SETBP1: variants seen among roughly 807,000 people sequenced by gnomAD.
SETBP1 encodes SET binding protein 1.
Under a neutral mutation model 101.0 loss-of-function variants are expected in SETBP1, and 9 were observed. The observed-to-expected ratio is 0.09, with a 90% CI of 0.05 to 0.16. The LOEUF (loss-of-function observed/expected upper bound fraction) is 0.16, where lower values mean the gene tolerates loss of function less well. SETBP1 is among the 10% of genes least tolerant of loss of function. The pLI is 1.00. For missense variants in SETBP1, 1,858 were observed against 2,033.8 expected, an observed-to-expected ratio of 0.91 and a Z score of 1.66; for synonymous variants, 818 against 788.5, an observed-to-expected ratio of 1.04 and a Z score of -0.63.
intron 4 of SETBP1, among the ~76,000 whole-genome samples, chr18:45,000,411 T>C (rs1457781854): frequency 1.3e-5 from 2 of 152,262 alleles, no homozygotes; most frequent in South Asian, 2.1e-4. Context: ...GCAGCCCATG[T>C]ATTGCCCTGA....
At chr18:44,722,696 G>A (rs1177737136) in intron 2 of SETBP1, among the ~76,000 whole-genome samples, 3 of 152,172 alleles carry the variant, frequency 2.0e-5, no homozygotes, top group Non-Finnish European at 4.4e-5. Flanking sequence ...CGCTCATGAA[G>A]GGACTGGTTA....
chr18:44,798,537 A>G lies in SETBP1; in HGVS notation c.487-70693A>G, dbSNP rs996021271. On this transcript the variant is annotated intron_variant, in intron 2 of 5. Transcript: ENST00000649279. ...GGTATAGGAAGATACCCAGGAATCA[A>G]ACTTATACCCCAGGGTGGAAAGAAA... is the stretch of plus-strand genomic sequence containing the variant. Among the ~76,000 whole-genome samples, 3 of 152,180 alleles carry G rather than the reference A, an allele frequency of 2.0e-5. No homozygotes were observed. In the East Asian group the frequency reaches 5.8e-4, roughly 29 times the overall value.
At position 44,853,388 on chromosome 18, in the gene SETBP1, G is replaced by A. The variant is rs1211420786; in HGVS notation, c.487-15842G>A. ...ATTTTAGTGGTCTAAGTTGAGCCTC[G>A]CCATACCCCTTAAAGATATCACAGG... On this transcript the variant is annotated intron_variant, in intron 2 of 5. Transcript: ENST00000649279. Among the ~76,000 whole-genome samples the A allele has an allele frequency of 3.3e-5, 5 of 152,102 alleles. No individual in the cohort carries two copies. The East Asian group carries it at 7.7e-4, about 23-fold the overall frequency.
chr18:44,750,207 T>C (rs1247367804), intron 2 of SETBP1, among the ~76,000 whole-genome samples: 4 of 152,198 alleles, frequency 2.6e-5, no homozygotes, highest in Admixed American at 2.6e-4. Context: ...ACAACAGACA[T>C]GTATTTCCCA....
At chr18:44,934,058 C>T (rs919423315) in intron 3 of SETBP1, among the ~76,000 whole-genome samples, 2 of 152,110 alleles carry the variant, frequency 1.3e-5, no homozygotes, top group Non-Finnish European at 2.9e-5. Flanking sequence ...ATTCGGCCAT[C>T]TTGGAACCTC....
intron 2 of SETBP1, among the ~76,000 whole-genome samples, chr18:44,729,920 G>C (rs1049792725): frequency 9.2e-5 from 14 of 152,212 alleles, no homozygotes; most frequent in Non-Finnish European, 2.1e-4. Context: ...ACTTTTGAGA[G>C]AGTGTTTTCT....
intron 2 of SETBP1, among the ~76,000 whole-genome samples, chr18:44,821,612 T>C (rs2072115576): frequency 6.6e-6 from 1 of 152,188 alleles, no homozygotes; most frequent in African/African-American, 2.4e-5. Flanking sequence ...CTCCCCCTGG[T>C]TTCTCAAAGA....
Position 45,063,611 on chromosome 18 carries a change from C to T in SETBP1, c.4704C>T (p.Pro1568=), listed in dbSNP as rs1044426142. 3 of 1,599,132 alleles carry T rather than the reference C, an allele frequency of 1.9e-6. No homozygotes were observed. The highest frequency in any genetic ancestry group is 1.7e-5 in the Admixed American group (1 of 58,650). Reference sequence around the variant, plus strand: ...CCGCTCAGCCCCCACAGCAGTCGCCCCCGCAGCAGCCCCTTCCCCAGGAAG... The same window carrying T: ...CCGCTCAGCCCCCACAGCAGTCGCCTCCGCAGCAGCCCCTTCCCCAGGAAG... The part of the protein sequence containing the change: ...QAPAQPPQQS[P]PQQPLPQEEE... Residue 1568 remains proline (P), a synonymous_variant, in exon 6 of 6, where the codon CCC becomes CCT. Coordinates refer to ENST00000649279, the MANE Select transcript of SETBP1 (RefSeq NM_015559.3).
intron 4 of SETBP1, among the ~76,000 whole-genome samples, chr18:45,001,924 G>A (rs1568020773): frequency 6.6e-6 from 1 of 152,132 alleles, no homozygotes; most frequent in Admixed American, 6.5e-5. Context: ...CACAGAGTGA[G>A]AGGGAGCTGT....
At chr18:44,693,029 T>C (rs147861964) in intron 1 of SETBP1, among the ~76,000 whole-genome samples, 1 of 152,192 alleles carries the variant, frequency 6.6e-6, no homozygotes, top group Non-Finnish European at 1.5e-5. Context: ...ACAGGTGATG[T>C]ATCTTCAGGG....
chr18:44,703,348 G>GTTTTTTTTTTTTTTTTTTTTTTT lies in SETBP1; in HGVS notation c.486+1540_486+1562dup, dbSNP rs531974601. 1.4e-4 allele frequency among the ~76,000 whole-genome samples: 7 copies of GTTTTTTTTTTTTTTTTTTTTTTT among 51,444 alleles called. 1 individual carries two copies. Among genetic ancestry groups the GTTTTTTTTTTTTTTTTTTTTTTT allele is most frequent in the East Asian group, 7.2e-4 (1 of 1,388 alleles). 33.7% of individuals were successfully genotyped at this position (51,444 alleles called of 152,430 possible). Reference sequence around the variant, plus strand: ...TCCATAGCATTTCTGTTACCATTAGGTTTTTTTTTTTTTTTTTTTTTTTTT... The same window carrying GTTTTTTTTTTTTTTTTTTTTTTT: ...TCCATAGCATTTCTGTTACCATTAGGTTTTTTTTTTTTTTTTTTTTTTTTTTTTTTTTTTTTTTTTTTTTTTTT... On this transcript the variant is annotated intron_variant, in intron 2 of 5. Coordinates refer to ENST00000649279, the MANE Select transcript of SETBP1 (RefSeq NM_015559.3).
At chr18:44,684,848 T>C (rs954271926) in intron 1 of SETBP1, among the ~76,000 whole-genome samples, 8 of 152,200 alleles carry the variant, frequency 5.3e-5, no homozygotes, top group African/African-American at 1.9e-4. Flanking sequence ...GGTTTCACCA[T>C]GTTGGCCAGG....
At chr18:45,016,754 C>T (rs1300529435) in intron 4 of SETBP1, among the ~76,000 whole-genome samples, 1 of 151,650 alleles carries the variant, frequency 6.6e-6, no homozygotes, top group East Asian at 2.0e-4. Context: ...CACACACACA[C>T]ACACACACAC....
chr18:44,799,921 G>A (rs903315826), intron 2 of SETBP1, among the ~76,000 whole-genome samples: 1 of 152,140 alleles, frequency 6.6e-6, no homozygotes, highest in Non-Finnish European at 1.5e-5. Flanking sequence ...CAGACCAAGA[G>A]GCAAGGGCAA....
chr18:44,871,671 C>G (rs1173377284), intron 3 of SETBP1: 2 of 152,222 alleles, frequency 1.3e-5, no homozygotes, highest in Admixed American at 6.5e-5. Flanking sequence ...TGTCTTCTCT[C>G]TGCTTCCAGA....
At chr18:44,806,623 CTTT>C (rs71177656) in intron 2 of SETBP1, among the ~76,000 whole-genome samples, 19 of 27,828 alleles carry the variant, frequency 6.8e-4, no homozygotes, top group African/African-American at 2.3e-3. Flanking sequence ...TAATGAGCTC[CTTT>C]TTTTTTTTTT....
At position 44,925,018 on chromosome 18, in the gene SETBP1, T is replaced by G. The variant is rs1249933054; in HGVS notation, c.541-24863T>G. On this transcript the variant is annotated intron_variant, in intron 3 of 5. Coordinates refer to ENST00000649279, the MANE Select transcript of SETBP1 (RefSeq NM_015559.3). ...TTGATCCTGTGTGAGTTTTTTTTTTTTTTTTTTTTTTTTTTTTCACGAGAA... is the reference window on the plus strand; with the variant it reads ...TTGATCCTGTGTGAGTTTTTTTTTTGTTTTTTTTTTTTTTTTTCACGAGAA... Among the ~76,000 whole-genome samples the G allele has an allele frequency of 8.3e-5, 12 of 144,532 alleles. 1 individual carries two copies. Among genetic ancestry groups the G allele is most frequent in the Middle Eastern group, 3.5e-3 (1 of 282 alleles). 94.8% of individuals were successfully genotyped at this position (144,532 alleles called of 152,430 possible).
At chr18:44,899,531 T>C (rs1487271472) in intron 3 of SETBP1, among the ~76,000 whole-genome samples, 1 of 152,170 alleles carries the variant, frequency 6.6e-6, no homozygotes, top group African/African-American at 2.4e-5. Flanking sequence ...AGCTCAGGAC[T>C]GGACTCACCA....
At chr18:44,927,582 G>C (rs905682693) in intron 3 of SETBP1, among the ~76,000 whole-genome samples, 1 of 152,214 alleles carries the variant, frequency 6.6e-6, no homozygotes, top group Admixed American at 6.5e-5. Flanking sequence ...GAAGATTGAG[G>C]CTGAGCTATT....
Sources: allele counts gnomAD v4.1 joint callset (sites outside exome capture counted in the v4.1 genomes callset), GRCh38; gene constraint gnomAD v4.1.1; transcripts MANE v1.5; gene names NCBI Gene and HGNC (gene_info 2026-07-23, HGNC 2026-07-21).